FNBP1: variants seen among roughly 807,000 people sequenced by gnomAD.
FNBP1 encodes formin-binding protein 1.
FNBP1 carries 26 observed loss-of-function variants against 90.6 expected under a neutral mutation model. The observed-to-expected ratio is 0.29, with a 90% CI of 0.21 to 0.40. The LOEUF (loss-of-function observed/expected upper bound fraction) is 0.40, where lower values mean the gene tolerates loss of function less well. Ranked by LOEUF, FNBP1 falls within the 10% of genes least tolerant of loss-of-function variation. FNBP1 has a pLI of 1.00. For missense variants in FNBP1, 635 were observed against 768.0 expected, an observed-to-expected ratio of 0.83 and a Z score of 2.05; for synonymous variants, 260 against 265.2, an observed-to-expected ratio of 0.98 and a Z score of 0.19.
the FNBP1 span, among the ~76,000 whole-genome samples, chr9:130,053,057 A>G: frequency 6.6e-6 from 1 of 152,176 alleles, no homozygotes. Flanking sequence ...CGGAGGTTGC[A>G]GTGAGCTGAG....
chr9:129,923,288 G>A (rs984544925), intron 10 of FNBP1, among the ~76,000 whole-genome samples: 13 of 151,880 alleles, frequency 8.6e-5, no homozygotes, highest in South Asian at 2.1e-4. Flanking sequence ...TACTAGAAAC[G>A]AAAAGAAAAA....
intron 6 of FNBP1, among the ~76,000 whole-genome samples, chr9:129,941,805 TCAC>T (rs1392768072): frequency 1.3e-5 from 2 of 152,024 alleles, no homozygotes; most frequent in African/African-American, 4.8e-5. Flanking sequence ...GTGCAGTGGC[TCAC>T]GCCTGTAATC....
chr9:130,033,440 A>T (rs559859342), intron 1 of FNBP1, among the ~76,000 whole-genome samples: 1 of 152,334 alleles, frequency 6.6e-6, no homozygotes, highest in Non-Finnish European at 1.5e-5. Flanking sequence ...GTGCAAATAG[A>T]AGTACAAGGG....
At chr9:130,002,484 A>G (rs932212839) in intron 1 of FNBP1, among the ~76,000 whole-genome samples, 1 of 151,966 alleles carries the variant, frequency 6.6e-6, no homozygotes, top group Admixed American at 6.6e-5. Flanking sequence ...TCCTGGCCAG[A>G]GCTGGTTGTT....
intron 16 of FNBP1, among the ~76,000 whole-genome samples, chr9:129,894,797 C>T (rs981613348): frequency 1.3e-5 from 2 of 152,206 alleles, no homozygotes; most frequent in Non-Finnish European, 2.9e-5. Flanking sequence ...CGGTGGCTCA[C>T]GCCTATAATC....
chr9:129,981,927 CTG>C (rs1253741099), intron 2 of FNBP1, among the ~76,000 whole-genome samples: 1 of 152,184 alleles, frequency 6.6e-6, no homozygotes, highest in Non-Finnish European at 1.5e-5. Flanking sequence ...TAATTCAAAA[CTG>C]AGATCATGTT....
intron 16 of FNBP1, among the ~76,000 whole-genome samples, chr9:129,891,566 G>A (rs1013689504): frequency 1.3e-5 from 2 of 152,228 alleles, no homozygotes; most frequent in Non-Finnish European, 2.9e-5. Context: ...CTCTTCAGCA[G>A]TACAATGTAA....
At chr9:129,986,817 AT>A (rs1347976086) in intron 2 of FNBP1, among the ~76,000 whole-genome samples, 5 of 152,042 alleles carry the variant, frequency 3.3e-5, no homozygotes, top group African/African-American at 9.7e-5. Context: ...AAATAAAAAA[AT>A]AAAAATAAGA....
chr9:129,950,000 T>C (rs564208181), intron 6 of FNBP1, among the ~76,000 whole-genome samples: 14 of 152,352 alleles, frequency 9.2e-5, no homozygotes, highest in Non-Finnish European at 1.5e-4. Context: ...GAGGATGCGC[T>C]GCTTTGAATA....
chr9:129,895,878 G>A lies in FNBP1; in HGVS notation c.1806C>T (p.Pro602=), dbSNP rs770125113. 4 of 1,613,328 alleles carry A rather than the reference G, an allele frequency of 2.5e-6. No homozygotes were observed. Among genetic ancestry groups the A allele is most frequent in the Non-Finnish European group, 2.5e-6 (3 of 1,179,682 alleles). Residue 602 remains proline (P), a synonymous_variant, in exon 16 of 17, where the codon CCC becomes CCT. Coordinates refer to ENST00000446176, the MANE Select transcript of FNBP1 (RefSeq NM_015033.3). ...RRNEDEEGYV[P]TSYVEVCLDK... ...CCAAACAGACTTCGACATATGAAGT[G>A]GGGACATAACCCTCTTCATCTTCAT...
intron 1 of FNBP1, among the ~76,000 whole-genome samples, chr9:130,002,829 C>T (rs1280561792): frequency 6.6e-6 from 1 of 152,138 alleles, no homozygotes; most frequent in Non-Finnish European, 1.5e-5. Flanking sequence ...CTTTCAGGAA[C>T]CTCGCTGAAC....
chr9:129,891,497 A>C (rs1391459068), intron 16 of FNBP1, among the ~76,000 whole-genome samples: 1 of 152,142 alleles, frequency 6.6e-6, no homozygotes, highest in Non-Finnish European at 1.5e-5. Flanking sequence ...AAATGCATCA[A>C]TTTCCTAGAA....
At chr9:129,909,028 A>G in intron 11 of FNBP1, 29 bp from the exon 12 acceptor site, 3 of 1,504,140 alleles carry the variant, frequency 2.0e-6, no homozygotes, top group Non-Finnish European at 2.8e-6. Context: ...ATGAGAAACC[A>G]GAAAGCCCCA....
At position 129,935,152 on chromosome 9, in the gene FNBP1, C is replaced by G. The variant is rs1159624426; in HGVS notation, c.514-5457G>C. On this transcript the variant is annotated intron_variant, in intron 6 of 16. Transcript: ENST00000446176. Reference sequence around the variant, plus strand: ...TTTTTTTTTTTTTTTAAGACAGGGTCTCCCTCTGTTACCCAGACTGGAGTG... The same window carrying G: ...TTTTTTTTTTTTTTTAAGACAGGGTGTCCCTCTGTTACCCAGACTGGAGTG... Among the ~76,000 whole-genome samples the G allele has an allele frequency of 2.9e-5, 4 of 137,406 alleles. No homozygotes were observed. In the East Asian group the frequency reaches 6.7e-4, roughly 23 times the overall value. 90.1% of individuals were successfully genotyped at this position (137,406 alleles called of 152,430 possible). A position where few individuals can be genotyped will look rare whatever the true frequency, so the allele number is the denominator to read the frequency against.
At chr9:129,951,585 G>GGGCA (rs2046181180) in intron 6 of FNBP1, among the ~76,000 whole-genome samples, 1 of 151,704 alleles carries the variant, frequency 6.6e-6, no homozygotes, top group Non-Finnish European at 1.5e-5. Flanking sequence ...GGGACTCCAA[G>GGGCA]GGCACACCAC....
intron 10 of FNBP1, among the ~76,000 whole-genome samples, chr9:129,922,101 C>T (rs1201974246): frequency 1.3e-5 from 2 of 151,222 alleles, no homozygotes; most frequent in Admixed American, 6.6e-5. Context: ...GATATGTTAA[C>T]GCTGCTGGGA....
chr9:129,968,978 T>C (rs1405621786), intron 4 of FNBP1, among the ~76,000 whole-genome samples: 1 of 152,234 alleles, frequency 6.6e-6, no homozygotes, highest in African/African-American at 2.4e-5. Flanking sequence ...ATTTCTCATA[T>C]ATGATTAGTG....
intron 1 of FNBP1, among the ~76,000 whole-genome samples, chr9:130,003,722 G>A (rs981040291): frequency 1.3e-5 from 2 of 151,790 alleles, no homozygotes; most frequent in Non-Finnish European, 2.9e-5. Context: ...AGGAGATCAA[G>A]ACCATCCTGG....
In FNBP1 at chr9:130,042,423, G is replaced by T. The variant is rs1181700465; in HGVS notation, c.24+529C>A. ...AGTCCTCGCCTCCAGAGCGAAGACC[G>T]CACTCTCGCCCCAGCACCCCAAAAC... On this transcript the variant is annotated intron_variant, in intron 1 of 16. Transcript: ENST00000446176. The surrounding 1 kb of genome is among the most constrained non-coding windows in gnomAD (Gnocchi z 5.5). 2.0e-5 allele frequency among the ~76,000 whole-genome samples: 3 copies of T among 152,046 alleles called. No individual in the cohort carries two copies. The highest frequency in any genetic ancestry group is 2.9e-5 in the Non-Finnish European group (2 of 67,974).
Sources: gnomAD v4.1 joint callset for allele counts (sites outside exome capture counted in the v4.1 genomes callset) on GRCh38, gnomAD v4.1.1 for gene constraint, Gnocchi (gnomAD v3.1) non-coding constraint, MANE v1.5 for transcripts, NCBI Gene and HGNC (gene_info 2026-07-23, HGNC 2026-07-21) for gene names.